The following METTL15 variants were observed in gnomAD, a reference collection of about 807,000 sequenced individuals.
The protein encoded by METTL15 is methyltransferase 15, mitochondrial 12S rRNA N4-cytidine.
Under a neutral mutation model 38.3 loss-of-function variants are expected in METTL15, and 34 were observed. The observed-to-expected ratio is 0.89, with a 90% CI of 0.68 to 1.18. METTL15 has a LOEUF of 1.18. METTL15 is among the 50% of genes most tolerant of loss of function. The pLI, the probability that METTL15 is intolerant of heterozygous loss-of-function variation, is 0.00. For missense variants in METTL15, 438 were observed against 498.4 expected (o/e 0.88, Z 1.15); for synonymous variants, 162 against 170.9 (o/e 0.95, Z 0.41).
intron 1 of METTL15, among the ~76,000 whole-genome samples, chr11:28,109,556 G>T (rs1565096863): frequency 6.6e-6 from 1 of 152,074 alleles, no homozygotes; most frequent in Non-Finnish European, 1.5e-5. Flanking sequence ...AACTATACAG[G>T]CAAGGCAATT....
chr11:28,515,609 C>A (rs1356546629), intron 6 of METTL15, among the ~76,000 whole-genome samples: 1 of 152,164 alleles, frequency 6.6e-6, no homozygotes, highest in East Asian at 1.9e-4. Flanking sequence ...TATTGCCATG[C>A]CTACTTTGCA....
chr11:28,452,673 A>C (rs1272481249), intron 6 of METTL15, among the ~76,000 whole-genome samples: 1 of 152,110 alleles, frequency 6.6e-6, no homozygotes, highest in Non-Finnish European at 1.5e-5. Flanking sequence ...TCAGAGATTC[A>C]ATTTTGTCCC....
intron 6 of METTL15, among the ~76,000 whole-genome samples, chr11:28,460,347 T>C (rs926368156): frequency 6.6e-6 from 1 of 152,106 alleles, no homozygotes; most frequent in Non-Finnish European, 1.5e-5. Context: ...CTTTCCTCCA[T>C]TGTTACAGCT....
At chr11:28,238,145 A>C (rs951868323) in intron 4 of METTL15, among the ~76,000 whole-genome samples, 19 of 152,208 alleles carry the variant, frequency 1.2e-4, no homozygotes. Context: ...GCTGTCAGAC[A>C]GGGACATTTA....
chr11:28,367,619 A>G (rs920646117), intron 5 of METTL15, among the ~76,000 whole-genome samples: 20 of 152,192 alleles, frequency 1.3e-4, no homozygotes, highest in African/African-American at 4.8e-4. Flanking sequence ...ATATGGAACC[A>G]AAAAAGAGCC....
chr11:28,449,940 A>G (rs768373909), intron 6 of METTL15, among the ~76,000 whole-genome samples: 3 of 152,192 alleles, frequency 2.0e-5, no homozygotes, highest in African/African-American at 4.8e-5. Flanking sequence ...CTGATGTCAC[A>G]TGGTCTAGTG....
intron 3 of METTL15, among the ~76,000 whole-genome samples, chr11:28,146,618 C>T (rs1849895554): frequency 6.6e-6 from 1 of 151,782 alleles, no homozygotes; most frequent in African/African-American, 2.4e-5. Flanking sequence ...TTGTTTGATG[C>T]CTTTTTTCTC....
intron 4 of METTL15, among the ~76,000 whole-genome samples, chr11:28,212,876 A>G (rs546224326): frequency 2.6e-5 from 4 of 152,192 alleles, no homozygotes; most frequent in Admixed American, 6.5e-5. Flanking sequence ...TCCCAATCCA[A>G]TGATTTCAGT....
chr11:28,496,983 T>C (rs565745862), intron 6 of METTL15, among the ~76,000 whole-genome samples: 23 of 152,330 alleles, frequency 1.5e-4, no homozygotes, highest in Middle Eastern at 6.8e-3. Context: ...CGCATTCAGG[T>C]TTGGCATTGA....
chr11:28,532,415 A>C, the METTL15 span, among the ~76,000 whole-genome samples: 1 of 152,076 alleles, frequency 6.6e-6, no homozygotes, highest in East Asian at 1.9e-4. Context: ...GTGAGTACAC[A>C]TGTATGTCTG....
rs945365938 is a variant in METTL15, at chr11:28,339,774, GAAA to G, written c.*190-12311_*190-12309del. ...AAACCTGCTGCAAATCAAAGTTGAAGAAAAAAAGTCCTGTGAGTTGAAAGGAAA... is the reference window on the plus strand; with the variant it reads ...AAACCTGCTGCAAATCAAAGTTGAAGAAAAGTCCTGTGAGTTGAAAGGAAA... On this transcript the variant is annotated intron_variant and NMD_transcript_variant, in intron 3 of 7. Transcript: ENST00000532947. Among the ~76,000 whole-genome samples the G allele has an allele frequency of 2.0e-5, 3 of 151,962 alleles. No homozygotes were observed. In the South Asian group the frequency reaches 6.2e-4, roughly 32 times the overall value.
At chr11:28,348,042 A>G (rs1850010464) in intron 3 of METTL15, among the ~76,000 whole-genome samples, 1 of 152,160 alleles carries the variant, frequency 6.6e-6, no homozygotes, top group Admixed American at 6.5e-5. Context: ...TTACCATCCT[A>G]TGAGATTGCA....
chr11:28,123,292 C>T (rs538538872), intron 3 of METTL15, among the ~76,000 whole-genome samples: 1 of 152,190 alleles, frequency 6.6e-6, no homozygotes, highest in South Asian at 2.1e-4. Flanking sequence ...TCTGTCTTTT[C>T]CCATTGTTCC....
At chr11:28,374,632 C>T (rs1280228418) in intron 5 of METTL15, among the ~76,000 whole-genome samples, 2 of 145,084 alleles carry the variant, frequency 1.4e-5, no homozygotes, top group African/African-American at 5.0e-5. Flanking sequence ...TTGACTTCCT[C>T]TTTTCCTAAT....
At chr11:28,369,914 A>G (rs1029135351) in intron 5 of METTL15, among the ~76,000 whole-genome samples, 1 of 152,136 alleles carries the variant, frequency 6.6e-6, no homozygotes, top group Non-Finnish European at 1.5e-5. Flanking sequence ...GGTAGTGCAT[A>G]AATCACTTTT....
intron 3 of METTL15, among the ~76,000 whole-genome samples, chr11:28,208,829 A>G (rs1852490859): frequency 6.6e-6 from 1 of 151,970 alleles, no homozygotes; most frequent in African/African-American, 2.4e-5. Flanking sequence ...TCCCTTTTCA[A>G]TTGTGGTGCT....
Position 28,440,272 on chromosome 11 carries a change from T to C in METTL15, c.*424+15908T>C, listed in dbSNP as rs1028112665. On this transcript the variant is annotated intron_variant and NMD_transcript_variant, in intron 6 of 7. Transcript: ENST00000532947. ...GTTAAGTAGTTGTACATCTATGTGA[T>C]ATCTAGTGCATAATCATTACAATCA... Among the ~76,000 whole-genome samples the C allele has an allele frequency of 1.1e-4, 17 of 152,224 alleles. 1 individual carries two copies. Among genetic ancestry groups the C allele is most frequent in the African/African-American group, 3.9e-4 (16 of 41,448 alleles).
intron 3 of METTL15, among the ~76,000 whole-genome samples, chr11:28,130,928 G>T (rs1348548753): frequency 2.0e-5 from 3 of 152,156 alleles, no homozygotes; most frequent in African/African-American, 7.2e-5. Flanking sequence ...GATAATTGTT[G>T]CTGCCCCCTC....
intron 3 of METTL15, among the ~76,000 whole-genome samples, chr11:28,195,505 A>G (rs1240000253): frequency 1.3e-5 from 2 of 151,910 alleles, no homozygotes; most frequent in Non-Finnish European, 2.9e-5. Flanking sequence ...CCATTTGTAT[A>G]TCATCTTTTG....
Sources: allele counts gnomAD v4.1 joint callset (sites outside exome capture counted in the v4.1 genomes callset), GRCh38; gene constraint gnomAD v4.1.1; transcripts MANE v1.5; gene names NCBI Gene and HGNC (gene_info 2026-07-23, HGNC 2026-07-21).